Variants in SGCA observed in about 807,000 individuals in gnomAD.
SGCA encodes sarcoglycan alpha.
Under a neutral mutation model 38.1 loss-of-function variants are expected in SGCA, and 34 were observed. The observed-to-expected ratio is 0.89, with a 90% confidence interval of 0.68 to 1.19. The LOEUF (loss-of-function observed/expected upper bound fraction) is 1.19. SGCA is among the 50% of genes most tolerant of loss of function. The probability of loss-of-function intolerance (pLI) is 0.00; values close to 1 mark genes in which losing one functional copy is unlikely to be tolerated. For missense variants in SGCA, 476 were observed against 524.9 expected (o/e 0.91, Z 0.91); for synonymous variants, 209 against 214.6 (o/e 0.97, Z 0.23).
chr17:50,168,297 G>C (rs367913636), intron 4 of SGCA, 77 bp from the exon 5 acceptor site: 5 of 1,282,700 alleles, frequency 3.9e-6, no homozygotes, highest in Admixed American at 2.0e-5. Flanking sequence ...CAGGGATGTG[G>C]GGAGGAGCTT....
chr17:50,171,340 T>C (rs1905371965), intron 8 of SGCA: 3 of 358,398 alleles, frequency 8.4e-6, no homozygotes, highest in Middle Eastern at 7.6e-4. Context: ...TGGCCTGGTT[T>C]CCCCTACTCA....
Position 50,169,783 on chromosome 17 carries a change from T to C in SGCA, c.748-360T>C, listed in dbSNP as rs994975429. The C allele has an allele frequency of 1.2e-5, 5 of 415,358 alleles. No individual in the cohort carries two copies. In the Admixed American group the frequency reaches 1.8e-4, roughly 15 times the overall value. The allele number at this position is 415,358 out of a possible 1,614,324, so 25.7% of individuals were successfully genotyped here. A position where few individuals can be genotyped will look rare whatever the true frequency, so the allele number is the denominator to read the frequency against. Reference sequence around the variant, plus strand: ...AATTGACCAACAGAGCAGGGACTCATTCAGGGTCCACAGCCAGCGACTGGT... The same window carrying C: ...AATTGACCAACAGAGCAGGGACTCACTCAGGGTCCACAGCCAGCGACTGGT... On this transcript the variant is annotated intron_variant, in intron 6 of 9. Transcript: ENST00000262018.
intron 8 of SGCA, among the ~76,000 whole-genome samples, chr17:50,172,965 A>AT (rs1351780431): frequency 1.3e-5 from 2 of 152,120 alleles, no homozygotes; most frequent in Non-Finnish European, 2.9e-5. Flanking sequence ...TTATTCCTCA[A>AT]TTTTTTTGGA....
Position 50,175,371 on chromosome 17 carries a change from C to T in SGCA, c.1098C>T (p.His366=), listed in dbSNP as rs2144512069. The change falls in exon 9 of 10, where the codon CAC becomes CAT. Residue 366 remains histidine (H), a synonymous_variant. Transcript: ENST00000262018. ...CCACCCTGCCCATGTTCAATGTGCA[C>T]ACAGGTGAGCGGCTGCCTCCCCGCG... ...PLSTLPMFNV[H]TGERLPPRVD... is the part of the protein sequence containing the mutation. The T allele has an allele frequency of 6.2e-7, 1 of 1,613,026 alleles. No homozygotes were observed. The highest frequency in any genetic ancestry group is 1.1e-5 in the South Asian group (1 of 91,002).
Position 50,175,721 on chromosome 17 carries a change from G to T in SGCA, c.*22G>T. The T allele has an allele frequency of 1.6e-6, 1 of 621,708 alleles. No individual in the cohort carries two copies. Among genetic ancestry groups the T allele is most frequent in the South Asian group, 1.5e-5 (1 of 66,014 alleles). 38.5% of individuals were successfully genotyped at this position (621,708 alleles called of 1,614,324 possible). A position where few individuals can be genotyped will look rare whatever the true frequency, so the allele number is the denominator to read the frequency against. On this transcript the variant is annotated 3_prime_UTR_variant, in exon 10 of 10. Transcript: ENST00000262018. The stretch of plus-strand genomic sequence containing the variant: ...CTCTCTCTTCCCACAGTGGTTCCAG[G>T]TCCAGCCCTGACTTCATCCTCCCTT...
In SGCA at chr17:50,171,881, G is replaced by A. The variant is rs577635413; in HGVS notation, c.983+1215G>A. 75 of 456,792 alleles carry A rather than the reference G, an allele frequency of 1.6e-4. 1 individual carries two copies. The Middle Eastern group carries it at 2.0e-3, about 12-fold the overall frequency. 28.3% of individuals were successfully genotyped at this position (456,792 alleles called of 1,614,324 possible). ...CACAGCCCTCAGGATCACCTTGGAC[G>A]TGCTGGGCTTCTGGCAGGGTTTGGC... On this transcript the variant is annotated intron_variant, in intron 8 of 9. Coordinates refer to ENST00000262018, the MANE Select transcript of SGCA (RefSeq NM_000023.4).
intron 1 of SGCA, 169 bp downstream of exon 1, chr17:50,166,246 T>C: frequency 1.5e-6 from 1 of 672,494 alleles, no homozygotes; most frequent in Non-Finnish European, 2.7e-6. Context: ...ATCCAGGGAA[T>C]GGGGCTGGGA....
rs28933693 is a variant in SGCA, at chr17:50,167,653, C to T, written c.229C>T (p.Arg77Cys). The T allele has an allele frequency of 4.7e-4, 758 of 1,613,932 alleles. No individual in the cohort carries two copies. Among genetic ancestry groups the T allele is most frequent in the Non-Finnish European group, 5.2e-4 (608 of 1,179,976 alleles). Reference sequence around the variant, plus strand: ...ACACCCAGACCTGCCCCGGTGGCTCCGCTACACCCAGCGCAGCCCCCACCA... The same window carrying T: ...ACACCCAGACCTGCCCCGGTGGCTCTGCTACACCCAGCGCAGCCCCCACCA... The part of the protein sequence containing the change: ...QGHPDLPRWL[R>C]YTQRSPHHPG... Residue 77 changes from arginine to cysteine, a missense_variant, in exon 3 of 10, where the codon CGC becomes TGC. By Grantham distance (180) the Arg-to-Cys change is radical. Coordinates refer to ENST00000262018, the MANE Select transcript of SGCA (RefSeq NM_000023.4). The surrounding 1 kb of genome is among the most constrained non-coding windows in gnomAD (Gnocchi z 4.5).
intron 7 of SGCA, 82 bp downstream of exon 7, chr17:50,170,433 G>A (rs1787779969): frequency 1.4e-6 from 2 of 1,446,052 alleles, no homozygotes; most frequent in South Asian, 1.2e-5. Flanking sequence ...TGCTGTATGG[G>A]ACCCAGACAC....
intron 8 of SGCA, among the ~76,000 whole-genome samples, chr17:50,173,259 G>A (rs770113481): frequency 2.6e-5 from 4 of 152,228 alleles, no homozygotes; most frequent in Non-Finnish European, 5.9e-5. Context: ...TCTGCTGCCT[G>A]CTTTTCACCT....
At chr17:50,171,737 A>G (rs1905420523) in intron 8 of SGCA, 2 of 456,768 alleles carry the variant, frequency 4.4e-6, no homozygotes, top group East Asian at 7.0e-5. Flanking sequence ...GCCCTTGTCC[A>G]CCAGCCCCTT....
In SGCA at chr17:50,167,881, G is replaced by A; in HGVS notation, c.313-66G>A. On this transcript the variant is annotated intron_variant, in intron 3 of 9. Transcript: ENST00000262018. This position sits in a 1 kb window ranked among gnomAD's most constrained non-coding sequence, Gnocchi z 4.5. ...TAATTTGGTATCTGAGTCCTCTCCT[G>A]CCAGGCCCCCGCTGTGCCACGTTTC... 1 of 1,557,080 alleles carries A rather than the reference G, an allele frequency of 6.4e-7. No homozygotes were observed. The highest frequency in any genetic ancestry group is 2.2e-5 in the East Asian group (1 of 44,568).
intron 4 of SGCA, 135 bp downstream of exon 4, chr17:50,168,154 C>T: frequency 1.1e-6 from 1 of 904,078 alleles, no homozygotes; most frequent in Non-Finnish European, 1.8e-6. Context: ...GGGGACAAGG[C>T]TCTCAGGGAA....
chr17:50,172,375 A>G (rs938723187), intron 8 of SGCA: 7 of 440,210 alleles, frequency 1.6e-5, no homozygotes, highest in Non-Finnish European at 2.8e-5. Context: ...GGCATGTAAC[A>G]TGCCAGGTGT....
rs1009354113 is a variant in SGCA, at chr17:50,167,411, GCTAC to G, written c.82_85del (p.Leu28ThrfsTer18). 1.2e-6 allele frequency: 2 copies of G among 1,614,036 alleles called. No individual in the cohort carries two copies. The highest frequency in any genetic ancestry group is 1.7e-6 in the Non-Finnish European group (2 of 1,180,018). On this transcript the variant is annotated frameshift_variant, in exon 2 of 10. Coordinates refer to ENST00000262018, the MANE Select transcript of SGCA (RefSeq NM_000023.4). LOFTEE classifies it high-confidence loss of function. This position sits in a 1 kb window ranked among gnomAD's most constrained non-coding sequence, Gnocchi z 4.5. ...GGGACACCGAGGCCCAGCAGACCAC[GCTAC>G]ACCCACTTGTGGGCCGTGTCTTTGT...
rs747984529 is a variant in SGCA, at chr17:50,167,666, G to A, written c.242G>A (p.Arg81His). The A allele has an allele frequency of 8.7e-6, 14 of 1,613,708 alleles. No individual in the cohort carries two copies. Among genetic ancestry groups the A allele is most frequent in the Admixed American group, 8.3e-5 (5 of 59,992 alleles). Residue 81 changes from arginine (R) to histidine (H), a missense_variant, in exon 3 of 10, where the codon CGC becomes CAC. Physicochemically the swap from Arg to His is conservative, Grantham distance 29. Coordinates refer to ENST00000262018, the MANE Select transcript of SGCA (RefSeq NM_000023.4). This position sits in a 1 kb window ranked among gnomAD's most constrained non-coding sequence, Gnocchi z 4.5. ...DLPRWLRYTQ[R>H]SPHHPGFLYG... The stretch of plus-strand genomic sequence containing the variant: ...CCCCGGTGGCTCCGCTACACCCAGC[G>A]CAGCCCCCACCACCCTGGCTTCCTC...
At chr17:50,169,008 G>C (rs907518859) in intron 5 of SGCA, 84 bp from the exon 6 acceptor site, 11 of 1,288,310 alleles carry the variant, frequency 8.5e-6, no homozygotes, top group Non-Finnish European at 2.2e-6. Flanking sequence ...CCTACAATTA[G>C]GAAAGTTTCA....
chr17:50,173,935 TG>T (rs1409128850), intron 8 of SGCA, among the ~76,000 whole-genome samples: 1 of 152,086 alleles, frequency 6.6e-6, no homozygotes, highest in Non-Finnish European at 1.5e-5. Context: ...TGAACATGGG[TG>T]GGGATCACTT....
intron 8 of SGCA, chr17:50,171,854 G>A (rs866881800): frequency 2.4e-5 from 11 of 456,642 alleles, no homozygotes; most frequent in Middle Eastern, 3.2e-4. Flanking sequence ...CCCCTTGTCC[G>A]CCACAGCCCT....
Sources: gnomAD v4.1 joint callset for allele counts (sites outside exome capture counted in the v4.1 genomes callset) on GRCh38, gnomAD v4.1.1 for gene constraint, Gnocchi (gnomAD v3.1) non-coding constraint, MANE v1.5 for transcripts, NCBI Gene and HGNC (gene_info 2026-07-23, HGNC 2026-07-21) for gene names.